Variants in SLCO2A1 observed in about 807,000 individuals in gnomAD.
The protein encoded by SLCO2A1 is matrin F/G 1.
In SLCO2A1, 60 loss-of-function variants were observed where a neutral mutation model predicts 71.7. That is an observed-to-expected ratio of 0.84 (90% confidence interval 0.68 to 1.04). The LOEUF (loss-of-function observed/expected upper bound fraction) is 1.04, where lower values mean the gene tolerates loss of function less well. SLCO2A1 is among the 50% of genes least tolerant of loss of function. The probability of loss-of-function intolerance (pLI) is 0.00; values close to 1 mark genes in which losing one functional copy is unlikely to be tolerated. For missense variants in SLCO2A1, 745 were observed against 813.4 expected (o/e 0.92, Z 1.02); for synonymous variants, 308 against 326.7 (o/e 0.94, Z 0.62).
chr3:134,014,705 T>C (rs1316404072), intron 1 of SLCO2A1, among the ~76,000 whole-genome samples: 2 of 152,102 alleles, frequency 1.3e-5, no homozygotes, highest in Non-Finnish European at 1.5e-5. Flanking sequence ...GCCCAAATGC[T>C]GGTGGATGAG....
rs72978388 is a variant in SLCO2A1, at chr3:133,934,412, T to A, written c.*301A>T. ...CTGGTGAGGGGCCTGGCTGCCTCAGTGGGCATCCTCAATGGAGGACTCAAC... is the reference window on the plus strand; with the variant it reads ...CTGGTGAGGGGCCTGGCTGCCTCAGAGGGCATCCTCAATGGAGGACTCAAC... On this transcript the variant is annotated 3_prime_UTR_variant, in exon 14 of 14. Coordinates refer to ENST00000310926, the MANE Select transcript of SLCO2A1 (RefSeq NM_005630.3). 4,051 of 224,484 alleles carry A rather than the reference T, an allele frequency of 0.018. 171 individuals carry two copies. Among genetic ancestry groups the A allele is most frequent in the African/African-American group, 0.086 (3,797 of 43,974 alleles). The allele number at this position is 224,484 out of a possible 1,614,324, so 13.9% of individuals were successfully genotyped here. A position where few individuals can be genotyped will look rare whatever the true frequency, so the allele number is the denominator to read the frequency against.
Position 133,955,684 on chromosome 3 carries a change from C to T in SLCO2A1, c.398-491G>A, listed in dbSNP as rs560875520. ...CAGGACAGAGGTCATGCTGTTGCAC[C>T]GGGTTGGTGTCACCTACAACGTGGG... On this transcript the variant is annotated intron_variant, in intron 3 of 13. Transcript: ENST00000310926. 1.3e-4 allele frequency among the ~76,000 whole-genome samples: 20 copies of T among 152,278 alleles called. No individual in the cohort carries two copies. In the South Asian group the frequency reaches 1.9e-3, roughly 14 times the overall value.
intron 1 of SLCO2A1, 109 bp from the exon 2 acceptor site, chr3:133,979,727 A>G (rs1934543542): frequency 5.7e-6 from 7 of 1,222,288 alleles, no homozygotes; most frequent in African/African-American, 1.5e-5. Flanking sequence ...CTCGCCTGTT[A>G]TCTAGGAGCA....
At position 134,029,726 on chromosome 3, in the gene SLCO2A1, G is replaced by A. The variant is rs201797879; in HGVS notation, c.77C>T (p.Ser26Leu). 6,267 of 1,589,924 alleles carry A rather than the reference G, an allele frequency of 3.9e-3. 24 individuals carry two copies. Among genetic ancestry groups the A allele is most frequent in the Non-Finnish European group, 4.9e-3 (5,691 of 1,172,044 alleles). ...GCTCACCTTAATGTTGCCGAAGACC[G>A]AGCGGGCACAGCGGCCGGCTCGGCT... ...STSRAGRCAR[S>L]VFGNIKVFVL... The change falls in exon 1 of 14, where the codon TCG becomes TTG. Residue 26 changes from serine to leucine, a missense_variant. By Grantham distance (145) the Ser-to-Leu change is moderately radical (BLOSUM62 -2). Transcript: ENST00000310926.
At chr3:133,994,285 G>T (rs1934914461) in intron 1 of SLCO2A1, among the ~76,000 whole-genome samples, 1 of 152,196 alleles carries the variant, frequency 6.6e-6, no homozygotes, top group African/African-American at 2.4e-5. Context: ...AGGCACTGAG[G>T]CTCAGGGCAG....
At chr3:134,028,276 C>T (rs999604398) in intron 1 of SLCO2A1, among the ~76,000 whole-genome samples, 3 of 152,140 alleles carry the variant, frequency 2.0e-5, no homozygotes, top group Admixed American at 6.5e-5. Context: ...ACCATCTAAT[C>T]CTAGTCCCTA....
intron 10 of SLCO2A1, 103 bp downstream of exon 10, chr3:133,944,992 G>C (rs1933528232): frequency 8.1e-7 from 1 of 1,227,164 alleles, no homozygotes; most frequent in Admixed American, 2.3e-5. Context: ...TGTGTGTGTG[G>C]AGCCCTGCCT....
intron 1 of SLCO2A1, among the ~76,000 whole-genome samples, chr3:133,999,814 G>A (rs1393936155): frequency 1.3e-5 from 2 of 152,182 alleles, no homozygotes; most frequent in African/African-American, 4.8e-5. Context: ...GTTCCAGGTA[G>A]GTGAGAAGAG....
chr3:133,956,430 G>A (rs1933900593), intron 3 of SLCO2A1, among the ~76,000 whole-genome samples: 1 of 152,194 alleles, frequency 6.6e-6, no homozygotes. Flanking sequence ...GTCTATGCAG[G>A]ACACATTAGA....
At chr3:133,955,575 G>A (rs1933880226) in intron 3 of SLCO2A1, among the ~76,000 whole-genome samples, 1 of 152,096 alleles carries the variant, frequency 6.6e-6, no homozygotes, top group South Asian at 2.1e-4. Context: ...AGGGGGAGGG[G>A]GTCCAGGGTC....
chr3:133,954,688 A>T (rs1286651368), intron 4 of SLCO2A1, among the ~76,000 whole-genome samples: 2 of 152,178 alleles, frequency 1.3e-5, no homozygotes, highest in Non-Finnish European at 2.9e-5. Context: ...ATGCCATCTC[A>T]TGTATCCCAC....
chr3:134,014,737 T>C (rs961091262), intron 1 of SLCO2A1, among the ~76,000 whole-genome samples: 2 of 152,144 alleles, frequency 1.3e-5, no homozygotes, highest in Non-Finnish European at 2.9e-5. Flanking sequence ...CTGAGAGATG[T>C]TCCGTGGTCA....
chr3:133,976,234 C>T (rs1934443911), intron 2 of SLCO2A1, among the ~76,000 whole-genome samples: 1 of 152,250 alleles, frequency 6.6e-6, no homozygotes, highest in South Asian at 2.1e-4. Context: ...TCTAGGACAT[C>T]CTGAAACCCA....
chr3:133,996,301 A>G (rs1339590525), intron 1 of SLCO2A1, among the ~76,000 whole-genome samples: 1 of 152,216 alleles, frequency 6.6e-6, no homozygotes. Context: ...GGCCTTTTCA[A>G]AGCCACAGTG....
chr3:133,965,511 G>A (rs1363663344), intron 3 of SLCO2A1, among the ~76,000 whole-genome samples: 1 of 152,238 alleles, frequency 6.6e-6, no homozygotes, highest in Non-Finnish European at 1.5e-5. Context: ...CAGTCCAACG[G>A]CTGATAACTC....
In SLCO2A1 at chr3:133,979,495, A is replaced by C. The variant is rs766878527; in HGVS notation, c.220T>G (p.Ser74Ala). Residue 74 changes from serine (S) to alanine (A), a missense_variant, in exon 2 of 14, where the codon TCC becomes GCC. Coordinates refer to ENST00000310926, the MANE Select transcript of SLCO2A1 (RefSeq NM_005630.3). ...CTCCTGCTCACCTCATTCAAGCTGG[A>C]AATGAGACCCGATGAAGAACTGGAG... ...GLSSSSSGLI[S>A]SLNEISNAIL... The C allele has an allele frequency of 1.9e-6, 3 of 1,614,200 alleles. No homozygotes were observed. The East Asian group carries it at 6.7e-5, about 36-fold the overall frequency.
At chr3:133,936,011 G>A (rs371992939) in intron 12 of SLCO2A1, 114 bp from the exon 13 acceptor site, 51 of 1,093,172 alleles carry the variant, frequency 4.7e-5, no homozygotes, top group South Asian at 2.1e-4. Context: ...CGGCTCTGCC[G>A]TACCCATAGG....
intron 1 of SLCO2A1, among the ~76,000 whole-genome samples, chr3:134,018,368 T>C (rs1384571967): frequency 6.6e-6 from 1 of 152,218 alleles, no homozygotes; most frequent in Non-Finnish European, 1.5e-5. Context: ...AACTGATTAG[T>C]TAAGCAAGCC....
At position 133,934,540 on chromosome 3, in the gene SLCO2A1, G is replaced by C. The variant is rs754956549; in HGVS notation, c.*173C>G. The stretch of plus-strand genomic sequence containing the variant: ...AGCCCGGGTACACAGTGGCCCTTAG[G>C]AACTGTGGGGAGGACTCTGGGAGGA... On this transcript the variant is annotated 3_prime_UTR_variant, in exon 14 of 14. Transcript: ENST00000310926. The C allele has an allele frequency of 2.0e-5, 11 of 550,324 alleles. No individual in the cohort carries two copies. Among genetic ancestry groups the C allele is most frequent in the Non-Finnish European group, 3.6e-5 (11 of 306,714 alleles). 34.1% of individuals were successfully genotyped at this position (550,324 alleles called of 1,614,324 possible).
Sources: gnomAD v4.1 joint callset for allele counts (sites outside exome capture counted in the v4.1 genomes callset) on GRCh38, gnomAD v4.1.1 for gene constraint, MANE v1.5 for transcripts, NCBI Gene and HGNC (gene_info 2026-07-23, HGNC 2026-07-21) for gene names.